The following GLRB variants were observed in gnomAD, a reference collection of about 807,000 sequenced individuals.
GLRB encodes glycine receptor beta.
Under a neutral mutation model 54.2 loss-of-function variants are expected in GLRB, and 33 were observed. The observed-to-expected ratio is 0.61, with a 90% CI of 0.46 to 0.81. The LOEUF (loss-of-function observed/expected upper bound fraction) is 0.81, where lower values mean the gene tolerates loss of function less well. Among genes scored for constraint, GLRB ranks in the 40% least tolerant of loss-of-function variants. The pLI, the probability that GLRB is intolerant of heterozygous loss-of-function variation, is 0.00. For missense variants in GLRB, 572 were observed against 584.6 expected (o/e 0.98, Z 0.22); for synonymous variants, 209 against 208.2 (o/e 1.00, Z -0.03).
chr4:157,143,132 G>T (rs1370615471), intron 7 of GLRB, among the ~76,000 whole-genome samples: 2 of 152,106 alleles, frequency 1.3e-5, no homozygotes, highest in Non-Finnish European at 2.9e-5. Context: ...ATGTGAAAAT[G>T]AAAGTTATTT....
chr4:157,158,286 G>C (rs999845937), intron 9 of GLRB, among the ~76,000 whole-genome samples: 1 of 152,066 alleles, frequency 6.6e-6, no homozygotes, highest in Admixed American at 6.5e-5. Context: ...TAGGTTGCCT[G>C]TTCACTCTGA....
At chr4:157,162,734 C>T (rs1737555741) in intron 9 of GLRB, among the ~76,000 whole-genome samples, 1 of 152,172 alleles carries the variant, frequency 6.6e-6, no homozygotes, top group Non-Finnish European at 1.5e-5. Flanking sequence ...TATGAGGTGT[C>T]AGTTGGCCCC....
intron 8 of GLRB, among the ~76,000 whole-genome samples, chr4:157,144,422 A>G (rs1371493457): frequency 1.3e-5 from 2 of 152,154 alleles, no homozygotes; most frequent in Non-Finnish European, 2.9e-5. Flanking sequence ...ATTGTGTGCT[A>G]TATCAGGGCT....
intron 4 of GLRB, among the ~76,000 whole-genome samples, chr4:157,131,761 C>A (rs1579224875): frequency 6.6e-6 from 1 of 151,650 alleles, no homozygotes; most frequent in Non-Finnish European, 1.5e-5. Flanking sequence ...CTTGATTGTT[C>A]AGTTCTTTTT....
At position 157,132,101 on chromosome 4, in the gene GLRB, T is replaced by C. The variant is rs1161488351; in HGVS notation, c.298-4368T>C. 5.3e-5 allele frequency among the ~76,000 whole-genome samples: 8 copies of C among 151,950 alleles called. No individual in the cohort carries two copies. In the East Asian group the frequency reaches 1.4e-3, roughly 26 times the overall value. On this transcript the variant is annotated intron_variant, in intron 4 of 9. Transcript: ENST00000264428. Reference sequence around the variant, plus strand: ...GTGTTCTGGATTTTGGCCATTCAAATAGGTGTGTAGTGGTATCTGATTGTT... The same window carrying C: ...GTGTTCTGGATTTTGGCCATTCAAACAGGTGTGTAGTGGTATCTGATTGTT...
intron 2 of GLRB, among the ~76,000 whole-genome samples, chr4:157,100,011 A>G (rs1459743696): frequency 1.3e-5 from 2 of 152,180 alleles, no homozygotes; most frequent in Admixed American, 6.5e-5. Context: ...ATTAACATGT[A>G]GGCGTTCTTT....
At chr4:157,096,333 A>G (rs908386977) in intron 2 of GLRB, among the ~76,000 whole-genome samples, 1 of 152,180 alleles carries the variant, frequency 6.6e-6, no homozygotes, top group African/African-American at 2.4e-5. Flanking sequence ...GGTACTTTTT[A>G]TTATCTGAGA....
At chr4:157,100,536 T>A (rs913672564) in intron 2 of GLRB, among the ~76,000 whole-genome samples, 1 of 152,216 alleles carries the variant, frequency 6.6e-6, no homozygotes, top group Admixed American at 6.5e-5. Context: ...TCTTCTCTAG[T>A]ATTTTCTTGG....
Position 157,154,423 on chromosome 4 carries a change from C to CTT in GLRB, c.1197+1433_1197+1434dup, listed in dbSNP as rs778002566. On this transcript the variant is annotated intron_variant, in intron 9 of 9. Coordinates refer to ENST00000264428, the MANE Select transcript of GLRB (RefSeq NM_000824.5). Reference sequence around the variant, plus strand: ...TTTTTGTTTCTCTATCTTCTTTTTCCTTTTTTTTTTTTTTTTTTTTTGAGA... The same window carrying CTT: ...TTTTTGTTTCTCTATCTTCTTTTTCCTTTTTTTTTTTTTTTTTTTTTTTGAGA... Among the ~76,000 whole-genome samples, 329 of 103,460 alleles carry CTT rather than the reference C, an allele frequency of 3.2e-3. 9 individuals are homozygous for CTT. The highest frequency in any genetic ancestry group is 6.7e-3 in the African/African-American group (162 of 24,142). The allele number at this position is 103,460 out of a possible 152,430, so 67.9% of individuals were successfully genotyped here. A position where few individuals can be genotyped will look rare whatever the true frequency, so the allele number is the denominator to read the frequency against.
At chr4:157,125,170 A>G (rs1735972752) in intron 4 of GLRB, among the ~76,000 whole-genome samples, 1 of 151,922 alleles carries the variant, frequency 6.6e-6, no homozygotes, top group African/African-American at 2.4e-5. Context: ...CCAAAAGGGT[A>G]TACATGTCTG....
chr4:157,169,856 C>CA (rs1175566970), intron 9 of GLRB, among the ~76,000 whole-genome samples: 1 of 152,066 alleles, frequency 6.6e-6, no homozygotes, highest in African/African-American at 2.4e-5. Flanking sequence ...GTTCAGCCAA[C>CA]AAGTTGGGAA....
chr4:157,097,875 G>A (rs564856417), intron 2 of GLRB, among the ~76,000 whole-genome samples: 172 of 152,258 alleles, frequency 1.1e-3, no homozygotes, highest in African/African-American at 4.0e-3. Flanking sequence ...ACAAAAATTA[G>A]CCAGGCATCA....
At chr4:157,101,575 A>G (rs1735026981) in intron 2 of GLRB, among the ~76,000 whole-genome samples, 1 of 152,006 alleles carries the variant, frequency 6.6e-6, no homozygotes. Flanking sequence ...ACTAATTCGG[A>G]TGAGATTTAG....
chr4:157,107,806 C>G (rs1216464147), intron 2 of GLRB, among the ~76,000 whole-genome samples: 1 of 151,984 alleles, frequency 6.6e-6, no homozygotes, highest in Non-Finnish European at 1.5e-5. Context: ...GATTAAACAG[C>G]CTTATATTGG....
intron 2 of GLRB, 105 bp from the exon 3 acceptor site, chr4:157,120,451 T>C: frequency 1.9e-6 from 1 of 530,096 alleles, no homozygotes; most frequent in East Asian, 3.5e-5. Context: ...CATACTATAG[T>C]TGTGGATTTG....
chr4:157,156,452 G>A (rs982080081), intron 9 of GLRB, among the ~76,000 whole-genome samples: 1 of 152,068 alleles, frequency 6.6e-6, no homozygotes, highest in Admixed American at 6.6e-5. Flanking sequence ...GAGTCTCTAG[G>A]GCTTTCTAGG....
chr4:157,165,910 G>T (rs577634259), intron 9 of GLRB, among the ~76,000 whole-genome samples: 1 of 152,014 alleles, frequency 6.6e-6, no homozygotes, highest in African/African-American at 2.4e-5. Context: ...ATGATTTAAT[G>T]GACTTAAATT....
intron 2 of GLRB, among the ~76,000 whole-genome samples, chr4:157,114,918 C>A (rs73856831): frequency 0.017 from 2,612 of 151,710 alleles, 64 homozygotes; most frequent in African/African-American, 0.06. Flanking sequence ...AGTTTCTCTG[C>A]CATAAAGTTA....
intron 2 of GLRB, among the ~76,000 whole-genome samples, chr4:157,091,778 C>G (rs1734627086): frequency 6.6e-6 from 1 of 152,194 alleles, no homozygotes. Context: ...TCCTGCCATG[C>G]TGCACTTCTT....
Sources: allele counts gnomAD v4.1 joint callset (sites outside exome capture counted in the v4.1 genomes callset), GRCh38; gene constraint gnomAD v4.1.1; transcripts MANE v1.5; gene names NCBI Gene and HGNC (gene_info 2026-07-23, HGNC 2026-07-21).